The following CENPW variants were observed in gnomAD, a reference collection of about 807,000 sequenced individuals.
CENPW encodes centromere protein W.
Under a neutral mutation model 11.1 loss-of-function variants are expected in CENPW, and 3 were observed. The ratio of observed to expected loss-of-function variants is 0.27; its 90% CI spans 0.12 to 0.70. CENPW has a LOEUF of 0.70. CENPW is among the 30% of genes least tolerant of loss of function. The pLI, the probability that CENPW is intolerant of heterozygous loss-of-function variation, is 0.77. For missense variants in CENPW, 100 were observed against 105.6 expected (o/e 0.95, Z 0.23); for synonymous variants, 38 against 42.0 (o/e 0.91, Z 0.37).
chr6:126,359,128 C>G, the CENPW span, among the ~76,000 whole-genome samples: 2 of 151,900 alleles, frequency 1.3e-5, no homozygotes, highest in African/African-American at 4.8e-5. Flanking sequence ...TAAGTTATAT[C>G]CCTATTTTCA....
the CENPW span, among the ~76,000 whole-genome samples, chr6:126,356,675 C>A: frequency 6.6e-6 from 1 of 151,898 alleles, no homozygotes; most frequent in Non-Finnish European, 1.5e-5. Context: ...ATTTGCATTT[C>A]TTTGATGATT....
At chr6:126,402,136 C>T in the CENPW span, among the ~76,000 whole-genome samples, 1 of 152,032 alleles carries the variant, frequency 6.6e-6, no homozygotes, top group Non-Finnish European at 1.5e-5. Context: ...AAGTTTTGCA[C>T]TTCCTATGCA....
At chr6:126,368,789 C>T in the CENPW span, among the ~76,000 whole-genome samples, 3 of 152,006 alleles carry the variant, frequency 2.0e-5, no homozygotes, top group Non-Finnish European at 1.5e-5. Flanking sequence ...AGACTACAGG[C>T]GCCTGCCACC....
the CENPW span, among the ~76,000 whole-genome samples, chr6:126,356,703 T>G: frequency 6.6e-6 from 1 of 152,170 alleles, no homozygotes. Flanking sequence ...ATGAATACCT[T>G]TTCATATGTT....
the CENPW span, among the ~76,000 whole-genome samples, chr6:126,474,422 C>T: frequency 6.6e-6 from 1 of 152,070 alleles, no homozygotes; most frequent in Non-Finnish European, 1.5e-5. Flanking sequence ...ACCAGGCACC[C>T]ACACTGTGAC....
At chr6:126,464,122 G>A in the CENPW span, among the ~76,000 whole-genome samples, 1 of 151,960 alleles carries the variant, frequency 6.6e-6, no homozygotes, top group African/African-American at 2.4e-5. Flanking sequence ...AATACATCAC[G>A]ATCAAATGTG....
the CENPW span, among the ~76,000 whole-genome samples, chr6:126,416,325 G>T: frequency 4.6e-5 from 7 of 152,098 alleles, no homozygotes; most frequent in Non-Finnish European, 2.9e-5. Flanking sequence ...AAGGCATTCC[G>T]TTTTATAAGG....
chr6:126,407,667 G>T, the CENPW span, among the ~76,000 whole-genome samples: 7 of 152,076 alleles, frequency 4.6e-5, no homozygotes, highest in South Asian at 1.5e-3. Flanking sequence ...GTTTTGATTT[G>T]CATTTCCTTA....
chr6:126,350,607 T>C (rs1780480652), downstream of CENPW, among the ~76,000 whole-genome samples: 1 of 152,160 alleles, frequency 6.6e-6, no homozygotes, highest in Non-Finnish European at 1.5e-5. Flanking sequence ...GATGAACATA[T>C]TTTCGTGTGC....
the CENPW span, among the ~76,000 whole-genome samples, chr6:126,477,130 G>A: frequency 6.6e-6 from 1 of 151,850 alleles, no homozygotes; most frequent in East Asian, 1.9e-4. Context: ...TTAATAGTTT[G>A]GATCATATTT....
At chr6:126,359,991 A>T in the CENPW span, among the ~76,000 whole-genome samples, 1 of 152,078 alleles carries the variant, frequency 6.6e-6, no homozygotes, top group South Asian at 2.1e-4. Context: ...GTTGTTAGGT[A>T]GACTTGATTG....
At chr6:126,468,326 C>T in the CENPW span, among the ~76,000 whole-genome samples, 65,201 of 147,906 alleles carry the variant, frequency 0.44, 16,373 homozygotes, top group East Asian at 0.97. Context: ...AAGCTGAGGC[C>T]GGAGAATCGC....
the CENPW span, among the ~76,000 whole-genome samples, chr6:126,359,641 A>G: frequency 6.6e-6 from 1 of 151,868 alleles, no homozygotes; most frequent in East Asian, 1.9e-4. Context: ...GTTATATCTT[A>G]TTGTTGAATT....
the CENPW span, among the ~76,000 whole-genome samples, chr6:126,474,559 A>G: frequency 6.6e-5 from 10 of 152,236 alleles, no homozygotes; most frequent in Non-Finnish European, 1.2e-4. Context: ...GAAAGTTTTC[A>G]TCTTTTGTCT....
the CENPW span, among the ~76,000 whole-genome samples, chr6:126,385,805 G>A: frequency 3.9e-5 from 6 of 152,212 alleles, no homozygotes; most frequent in Non-Finnish European, 5.9e-5. Flanking sequence ...ATTATTGTAA[G>A]ACTGAGGTTT....
chr6:126,341,219 A>G (rs1364801380), intron 1 of CENPW, among the ~76,000 whole-genome samples: 2 of 152,098 alleles, frequency 1.3e-5, no homozygotes, highest in East Asian at 1.9e-4. Flanking sequence ...AATGAACACT[A>G]TTTCTCTAGG....
At chr6:126,347,133 A>T (rs561544931) in intron 2 of CENPW, among the ~76,000 whole-genome samples, 22 of 152,034 alleles carry the variant, frequency 1.4e-4, no homozygotes, top group African/African-American at 5.1e-4. Flanking sequence ...AGTGTAGATA[A>T]CCTTGCATAC....
the CENPW span, among the ~76,000 whole-genome samples, chr6:126,377,016 TTTAA>T: frequency 7.9e-5 from 12 of 152,188 alleles, no homozygotes; most frequent in African/African-American, 1.9e-4. Context: ...AAATCATTTC[TTTAA>T]TTAATTATTT....
the CENPW span, among the ~76,000 whole-genome samples, chr6:126,357,660 G>T: frequency 1.1e-4 from 17 of 151,324 alleles, no homozygotes; most frequent in Admixed American, 6.6e-4. Context: ...CCAGCCTGTA[G>T]TGCAGTGGTG....
Sources: gnomAD v4.1 joint callset for allele counts (sites outside exome capture counted in the v4.1 genomes callset) on GRCh38, gnomAD v4.1.1 for gene constraint, MANE v1.5 for transcripts, NCBI Gene and HGNC (gene_info 2026-07-23, HGNC 2026-07-21) for gene names.